VAV2: variants seen among roughly 807,000 people sequenced by gnomAD.
VAV2 encodes guanine nucleotide exchange factor VAV2.
In VAV2, 67 loss-of-function variants were observed where a neutral mutation model predicts 132.5. The observed-to-expected ratio is 0.51, with a 90% CI of 0.42 to 0.62. The LOEUF is 0.62. VAV2 is among the 20% of genes least tolerant of loss of function. The pLI, the probability that VAV2 is intolerant of heterozygous loss-of-function variation, is 0.00. For missense variants in VAV2, 938 were observed against 1,153.6 expected (o/e 0.81, Z 2.71); for synonymous variants, 492 against 443.5 (o/e 1.11, Z -1.37).
rs749425031 is a variant in VAV2, at chr9:133,795,711, C to A, written c.1058G>T (p.Arg353Leu). 1 of 1,614,028 alleles carries A rather than the reference C, an allele frequency of 6.2e-7. No individual in the cohort carries two copies. The highest frequency in any genetic ancestry group is 1.7e-5 in the Admixed American group (1 of 60,012). Residue 353 changes from arginine (R) to leucine (L), a missense_variant, in exon 12 of 30, where the codon CGG becomes CTG. Transcript: ENST00000371850. ...TTCTTTGAGCTGCTGCCTCTCAGGC[C>A]GTTCCGCAGAATGGCTCAGAAGCTC... ...LKELLSHSAE[R>L]PERQQLKEAL...
intron 2 of VAV2, among the ~76,000 whole-genome samples, chr9:133,933,798 T>C (rs1840784504): frequency 7.2e-6 from 1 of 139,522 alleles, no homozygotes; most frequent in Non-Finnish European, 1.5e-5. Flanking sequence ...GGATGGTGGA[T>C]GGATGAATGA....
chr9:133,795,523 C>T (rs925884678), intron 12 of VAV2, 145 bp downstream of exon 12: 3 of 977,828 alleles, frequency 3.1e-6, no homozygotes, highest in Non-Finnish European at 4.7e-6. Flanking sequence ...TCACCCACTG[C>T]CCTGCCCTGC....
At chr9:133,777,505 T>C in intron 22 of VAV2, 42 bp from the exon 23 acceptor site, 2 of 1,596,804 alleles carry the variant, frequency 1.3e-6, no homozygotes, top group South Asian at 2.2e-5. Flanking sequence ...GGGCCGAGCC[T>C]GGCCTATGGG....
intron 1 of VAV2, among the ~76,000 whole-genome samples, chr9:133,986,515 G>A (rs753285916): frequency 3.9e-5 from 6 of 152,112 alleles, no homozygotes; most frequent in African/African-American, 9.7e-5. Flanking sequence ...GGATGGAGAC[G>A]GATTGATGCT....
intron 2 of VAV2, among the ~76,000 whole-genome samples, chr9:133,920,031 C>T (rs886429320): frequency 6.6e-6 from 1 of 152,176 alleles, no homozygotes; most frequent in African/African-American, 2.4e-5. Flanking sequence ...GGGCGTGGGC[C>T]CCAGTGTGGA....
At chr9:133,774,838 C>T (rs1375094402) in intron 25 of VAV2, 97 bp downstream of exon 25, 5 of 1,140,150 alleles carry the variant, frequency 4.4e-6, no homozygotes, top group South Asian at 1.4e-5. Flanking sequence ...ACATGTCCAC[C>T]CCAACCCCAC....
At chr9:133,913,235 C>A (rs1172340356) in intron 2 of VAV2, among the ~76,000 whole-genome samples, 2 of 152,238 alleles carry the variant, frequency 1.3e-5, no homozygotes. Context: ...AACAACGGCT[C>A]ATAGCTGGCG....
chr9:133,828,275 ACCG>A (rs1564385635), intron 4 of VAV2, among the ~76,000 whole-genome samples: 1 of 99,066 alleles, frequency 1.0e-5, no homozygotes, highest in Non-Finnish European at 2.0e-5. Context: ...ATCGCCAGCT[ACCG>A]CTGCGCCCAC....
chr9:133,878,621 C>T (rs1342266259), intron 2 of VAV2, among the ~76,000 whole-genome samples: 1 of 152,258 alleles, frequency 6.6e-6, no homozygotes, highest in Non-Finnish European at 1.5e-5. Flanking sequence ...ATGTCTGTCA[C>T]AGGACAGAGC....
In VAV2 at chr9:133,966,806, G is replaced by A. The variant is rs139892896; in HGVS notation, c.204+25269C>T. 7.4e-3 allele frequency among the ~76,000 whole-genome samples: 1,132 copies of A among 152,126 alleles called. 39 individuals carry two copies. Among genetic ancestry groups the A allele is most frequent in the East Asian group, 0.066 (341 of 5,166 alleles). On this transcript the variant is annotated intron_variant, in intron 1 of 29. Transcript: ENST00000371850. ...TCCCAGCACTCTGGGAGGCCGTGGC[G>A]GGCAGATCACTTGAGGTCAAGAGTT... is the stretch of plus-strand genomic sequence containing the variant.
chr9:133,829,079 C>A lies in VAV2; in HGVS notation c.449+5193G>T, dbSNP rs1213110159. ...GCCTCTGGACCCCAGGCTGGGAGCC[C>A]CCCAGTGCAGGCATCTAGCCCTGGG... On this transcript the variant is annotated intron_variant, in intron 4 of 29. Transcript: ENST00000371850. 5.8e-4 allele frequency among the ~76,000 whole-genome samples: 88 copies of A among 152,200 alleles called. 1 individual carries two copies. The highest frequency in any genetic ancestry group is 2.8e-4 in the Non-Finnish European group (19 of 68,028).
intron 1 of VAV2, among the ~76,000 whole-genome samples, chr9:133,940,258 C>T (rs1026363960): frequency 5.9e-5 from 9 of 152,182 alleles, no homozygotes; most frequent in Admixed American, 4.6e-4. Context: ...CAATCCAGCT[C>T]AGCACGGGGA....
chr9:133,937,507 A>AGAGTGT (rs56372919), intron 2 of VAV2, among the ~76,000 whole-genome samples: 4 of 149,426 alleles, frequency 2.7e-5, no homozygotes, highest in African/African-American at 9.9e-5. Context: ...TGTGCGTGTG[A>AGAGTGT]GTGTGTGTGC....
Position 133,840,779 on chromosome 9 carries a change from T to A in VAV2, c.381-6439A>T, listed in dbSNP as rs530037949. Among the ~76,000 whole-genome samples the A allele has an allele frequency of 6.6e-6, 1 of 152,336 alleles. No homozygotes were observed. Among genetic ancestry groups the A allele is most frequent in the South Asian group, 2.1e-4 (1 of 4,830 alleles). On this transcript the variant is annotated intron_variant, in intron 3 of 29. Transcript: ENST00000371850. The surrounding 1 kb of genome is among the most constrained non-coding windows in gnomAD (Gnocchi z 4.5). Reference sequence around the variant, plus strand: ...GCTTTGGGATAATAAATCAGGCTCCTATCCTTGCCCTCAGGACTTCTGTGA... The same window carrying A: ...GCTTTGGGATAATAAATCAGGCTCCAATCCTTGCCCTCAGGACTTCTGTGA...
chr9:133,871,424 AGATGGATGGATTGATT>A lies in VAV2; in HGVS notation c.322-10008_322-9993del, dbSNP rs750364754. Among the ~76,000 whole-genome samples, 333 of 129,200 alleles carry A rather than the reference AGATGGATGGATTGATT, an allele frequency of 2.6e-3. 3 individuals carry two copies. Among genetic ancestry groups the A allele is most frequent in the Non-Finnish European group, 4.1e-3 (256 of 62,512 alleles). The allele number at this position is 129,200 out of a possible 152,430, so 84.8% of individuals were successfully genotyped here. ...CGGACGGATGGATGGATGGATGGAC[AGATGGATGGATTGATT>A]GATGGATGGATGGATGGATGGAGAA... is the stretch of plus-strand genomic sequence containing the variant. On this transcript the variant is annotated intron_variant, in intron 2 of 29. Coordinates refer to ENST00000371850, the MANE Select transcript of VAV2 (RefSeq NM_001134398.2).
At chr9:133,847,112 C>T (rs1836964090) in intron 3 of VAV2, among the ~76,000 whole-genome samples, 1 of 152,194 alleles carries the variant, frequency 6.6e-6, no homozygotes, top group Admixed American at 6.5e-5. Context: ...CCTTAAGTTC[C>T]AATCAGAACT....
chr9:133,791,987 G>A (rs55950460), intron 12 of VAV2, 118 bp from the exon 13 acceptor site: 1 of 220,056 alleles, frequency 4.5e-6, no homozygotes, highest in Admixed American at 8.5e-5. Context: ...GTGCTGGGTG[G>A]GGGGTGTGTG....
At chr9:133,985,120 AAT>A in intron 1 of VAV2, among the ~76,000 whole-genome samples, 1 of 151,980 alleles carries the variant, frequency 6.6e-6, no homozygotes, top group East Asian at 1.9e-4. Context: ...TACATAAATA[AAT>A]ACATACACAC....
At chr9:133,882,398 A>G (rs528503129) in intron 2 of VAV2, among the ~76,000 whole-genome samples, 1 of 152,270 alleles carries the variant, frequency 6.6e-6, no homozygotes, top group African/African-American at 2.4e-5. Context: ...AGCATCCCCT[A>G]CGGTTCATGT....
Sources: allele counts gnomAD v4.1 joint callset (sites outside exome capture counted in the v4.1 genomes callset), GRCh38; gene constraint gnomAD v4.1.1; non-coding constraint Gnocchi (gnomAD v3.1); transcripts MANE v1.5; gene names NCBI Gene and HGNC (gene_info 2026-07-23, HGNC 2026-07-21).